SNTB2: variants seen among roughly 807,000 people sequenced by gnomAD.
SNTB2 encodes the protein syntrophin beta 2, also known as beta-2-syntrophin.
In SNTB2, 34 loss-of-function variants were observed where a neutral mutation model predicts 46.2. That is an observed-to-expected ratio of 0.74 (90% CI 0.56 to 0.98). The LOEUF (loss-of-function observed/expected upper bound fraction) is 0.98. SNTB2 is among the 50% of genes least tolerant of loss of function. SNTB2 has a pLI of 0.00. For synonymous variants in SNTB2, 290 were observed against 312.6 expected, an observed-to-expected ratio of 0.93 and a Z score of 0.76; for missense variants, 603 against 731.4, an observed-to-expected ratio of 0.82 and a Z score of 2.02.
At chr16:69,220,579 G>A (rs1964394014) in intron 1 of SNTB2, among the ~76,000 whole-genome samples, 1 of 151,730 alleles carries the variant, frequency 6.6e-6, no homozygotes, top group African/African-American at 2.4e-5. Flanking sequence ...CCAAGCTGGA[G>A]TGCGGTGGCA....
chr16:69,262,711 CTG>C (rs772816258), intron 3 of SNTB2, among the ~76,000 whole-genome samples: 66 of 151,564 alleles, frequency 4.4e-4, no homozygotes, highest in Admixed American at 3.6e-3. Flanking sequence ...AGGTCTCACT[CTG>C]TCGCCCAGGC....
At chr16:69,222,052 T>G (rs1346624136) in intron 1 of SNTB2, among the ~76,000 whole-genome samples, 2 of 152,230 alleles carry the variant, frequency 1.3e-5, no homozygotes, top group Non-Finnish European at 2.9e-5. Context: ...ATGAACAACA[T>G]TGTTTTAAAA....
At position 69,245,737 on chromosome 16, in the gene SNTB2, G is replaced by A. The variant is rs1450917468; in HGVS notation, c.716G>A (p.Ser239Asn). The change falls in exon 2 of 7, where the codon AGC becomes AAC. Residue 239 changes from serine (S) to asparagine (N), a missense_variant. Ser to Asn is a conservative substitution (Grantham distance 46). Around this residue, in one of 2 missense-constraint regions of SNTB2, gnomAD observed 537 missense variants for 692.4 expected, o/e 0.78. Transcript: ENST00000336278. ...TCTGGTTCGCCAAAACACCAGAACAGCACCAAGGACAGGAAGATCATCCCT... is the reference window on the plus strand; with the variant it reads ...TCTGGTTCGCCAAAACACCAGAACAACACCAAGGACAGGAAGATCATCCCT... ...EDSGSPKHQN[S>N]TKDRKIIPLK... 6.2e-7 allele frequency: 1 copy of A among 1,614,004 alleles called. No individual in the cohort carries two copies. Among genetic ancestry groups the A allele is most frequent in the Non-Finnish European group, 8.5e-7 (1 of 1,180,042 alleles).
chr16:69,282,269 T>C (rs1965056933), intron 4 of SNTB2, among the ~76,000 whole-genome samples: 1 of 148,312 alleles, frequency 6.7e-6, no homozygotes, highest in Non-Finnish European at 1.5e-5. Flanking sequence ...AAGACCAGCC[T>C]GGCTAACATG....
chr16:69,240,758 A>G (rs1964603842), intron 1 of SNTB2: 1 of 152,242 alleles, frequency 6.6e-6, no homozygotes, highest in Admixed American at 6.5e-5. Flanking sequence ...TTTATAAAAG[A>G]GGTTGATCCA....
chr16:69,276,097 T>C (rs937225842), intron 4 of SNTB2, among the ~76,000 whole-genome samples: 4 of 152,102 alleles, frequency 2.6e-5, no homozygotes, highest in Non-Finnish European at 5.9e-5. Context: ...GCCAGATACA[T>C]GACACAGGTA....
intron 1 of SNTB2, among the ~76,000 whole-genome samples, chr16:69,205,666 T>C (rs1290158499): frequency 6.6e-6 from 1 of 152,168 alleles, no homozygotes; most frequent in African/African-American, 2.4e-5. Context: ...TCTATTTTCT[T>C]TCCCATTTTC....
intron 4 of SNTB2, among the ~76,000 whole-genome samples, chr16:69,274,446 G>A (rs1036795606): frequency 6.6e-6 from 1 of 151,976 alleles, no homozygotes; most frequent in African/African-American, 2.4e-5. Flanking sequence ...GAGGTCAGGA[G>A]ATTGAGACCA....
intron 5 of SNTB2, among the ~76,000 whole-genome samples, chr16:69,285,356 CTTTTTTTTT>C (rs199516210): frequency 8.3e-5 from 11 of 131,828 alleles, no homozygotes; most frequent in African/African-American, 1.6e-4. Flanking sequence ...GTTCATCTCT[CTTTTTTTTT>C]TTTTTTTTTT....
intron 1 of SNTB2, among the ~76,000 whole-genome samples, chr16:69,203,253 G>T (rs1163221628): frequency 1.3e-5 from 2 of 151,404 alleles, no homozygotes; most frequent in East Asian, 3.9e-4. Flanking sequence ...CCTGACCTCA[G>T]GTGATCTGCC....
rs528103183 is a variant in SNTB2 at position 69,292,051 on chromosome 16, C to T, written c.1346-7539C>T. 8.6e-5 allele frequency among the ~76,000 whole-genome samples: 13 copies of T among 151,886 alleles called. No individual in the cohort carries two copies. In the East Asian group the frequency reaches 2.2e-3, roughly 25 times the overall value. ...TGACTAACACAGTGAAACCTCGTCT[C>T]TACTAAAAATACAAAAAATTAGCCG... On this transcript the variant is annotated intron_variant, in intron 5 of 6. Coordinates refer to ENST00000336278, the MANE Select transcript of SNTB2 (RefSeq NM_006750.4).
intron 5 of SNTB2, among the ~76,000 whole-genome samples, chr16:69,294,069 C>G: frequency 6.6e-6 from 1 of 152,034 alleles, no homozygotes; most frequent in East Asian, 1.9e-4. Context: ...ATTCTGTTGC[C>G]CAGGCTGGAG....
At chr16:69,294,595 T>C (rs1354180677) in intron 5 of SNTB2, among the ~76,000 whole-genome samples, 2 of 149,336 alleles carry the variant, frequency 1.3e-5, no homozygotes. Context: ...TAGCAGGGCG[T>C]TGTGGTGCGC....
At chr16:69,217,111 A>T (rs767409532) in intron 1 of SNTB2, among the ~76,000 whole-genome samples, 13 of 152,158 alleles carry the variant, frequency 8.5e-5, no homozygotes, top group Non-Finnish European at 1.9e-4. Context: ...TCTTTACAGT[A>T]CGTTAACGGT....
chr16:69,244,086 C>T (rs1964645025), intron 1 of SNTB2, among the ~76,000 whole-genome samples: 1 of 152,054 alleles, frequency 6.6e-6, no homozygotes, highest in African/African-American at 2.4e-5. Context: ...CTTAGTGTTA[C>T]TCCCATTTTG....
At chr16:69,233,208 G>C (rs999542251) in intron 1 of SNTB2, among the ~76,000 whole-genome samples, 5 of 152,270 alleles carry the variant, frequency 3.3e-5, no homozygotes, top group Middle Eastern at 6.8e-3. Flanking sequence ...TAAATGACAA[G>C]GCAATAAAGG....
chr16:69,304,717 G>A lies in SNTB2; in HGVS notation c.*3793G>A, dbSNP rs1271043000. ...CTCACTCTGTCACCGAGGTTGGAGT[G>A]CAGTGGTATGATCATAGCTGACTGC... On this transcript the variant is annotated 3_prime_UTR_variant, in exon 7 of 7. Coordinates refer to ENST00000336278, the MANE Select transcript of SNTB2 (RefSeq NM_006750.4). 1 of 151,666 alleles carries A rather than the reference G, an allele frequency of 6.6e-6. No individual in the cohort carries two copies. Among genetic ancestry groups the A allele is most frequent in the Non-Finnish European group, 1.5e-5 (1 of 67,984 alleles). 9.4% of individuals were successfully genotyped at this position (151,666 alleles called of 1,614,324 possible).
At chr16:69,270,603 C>CT (rs1415418423) in intron 4 of SNTB2, among the ~76,000 whole-genome samples, 1 of 152,026 alleles carries the variant, frequency 6.6e-6, no homozygotes, top group Admixed American at 6.6e-5. Flanking sequence ...TTGACTGTGA[C>CT]TAGAAAACCA....
chr16:69,220,610 C>T (rs1234890161), intron 1 of SNTB2, among the ~76,000 whole-genome samples: 1 of 151,988 alleles, frequency 6.6e-6, no homozygotes, highest in Non-Finnish European at 1.5e-5. Flanking sequence ...TCATTGCAGC[C>T]TTGAACTCCT....
Sources: allele counts gnomAD v4.1 joint callset (sites outside exome capture counted in the v4.1 genomes callset), GRCh38; gene constraint gnomAD v4.1.1; regional missense constraint gnomAD v4.1.1; transcripts MANE v1.5; gene names NCBI Gene and HGNC (gene_info 2026-07-23, HGNC 2026-07-21).